Variants in UBE2L3 observed in about 807,000 individuals in gnomAD.
UBE2L3 encodes the protein ubiquitin conjugating enzyme E2 L3.
UBE2L3 carries 1 observed loss-of-function variant against 17.8 expected under a neutral mutation model. That is an observed-to-expected ratio of 0.06 (90% CI 0.02 to 0.27). UBE2L3 has a LOEUF of 0.27. Ranked by LOEUF, UBE2L3 falls within the 10% of genes least tolerant of loss-of-function variation. The pLI, the probability that UBE2L3 is intolerant of heterozygous loss-of-function variation, is 1.00. For synonymous variants in UBE2L3, 44 were observed against 68.5 expected (o/e 0.64, Z 1.76); for missense variants, 40 against 192.6 (o/e 0.21, Z 4.69).
At chr22:21,567,695 G>C, upstream of UBE2L3, 1 of 1,560,666 alleles carries the variant, frequency 6.4e-7, no homozygotes, top group Non-Finnish European at 8.7e-7. Flanking sequence ...GGCTCCAGCC[G>C]CCCGGCCGGC....
chr22:21,565,828 GTTC>G (rs1417986829), upstream of UBE2L3, among the ~76,000 whole-genome samples: 3 of 144,310 alleles, frequency 2.1e-5, no homozygotes, highest in Admixed American at 7.1e-5. Flanking sequence ...CTGAAGCTAT[GTTC>G]TTCTCTCTGC....
intron 1 of UBE2L3, among the ~76,000 whole-genome samples, chr22:21,578,617 A>G (rs1357808388): frequency 6.6e-6 from 1 of 152,076 alleles, no homozygotes; most frequent in Non-Finnish European, 1.5e-5. Context: ...GTACAGATGG[A>G]CACGGAAACA....
chr22:21,615,720 G>T (rs905339979), intron 3 of UBE2L3, among the ~76,000 whole-genome samples: 2 of 151,992 alleles, frequency 1.3e-5, no homozygotes, highest in African/African-American at 4.8e-5. Context: ...CAATACTCTC[G>T]GCACTCGTCT....
At chr22:21,575,769 G>A (rs1377028374) in intron 1 of UBE2L3, among the ~76,000 whole-genome samples, 10 of 142,660 alleles carry the variant, frequency 7.0e-5, no homozygotes, top group African/African-American at 2.4e-4. Context: ...TCAGCCTCCC[G>A]AGTAGCTGGA....
chr22:21,559,234 G>C (rs1228642931), intron 1 of UBE2L3, among the ~76,000 whole-genome samples: 2 of 152,194 alleles, frequency 1.3e-5, no homozygotes, highest in African/African-American at 2.4e-5. Flanking sequence ...TGTAATCCCA[G>C]CTACTCGGGA....
At position 21,606,315 on chromosome 22, in the gene UBE2L3, A is replaced by ATGTGTG. The variant is rs145064151; in HGVS notation, c.124-4531_124-4526dup. On this transcript the variant is annotated intron_variant, in intron 2 of 3. Transcript: ENST00000342192. ...GTGTGCGCGCGCGCGTGTGTGTGGT[A>ATGTGTG]TGTGTGTGTGTGTGTGGTGTGTGTG... Among the ~76,000 whole-genome samples, 8 of 150,448 alleles carry ATGTGTG rather than the reference A, an allele frequency of 5.3e-5. No homozygotes were observed. In the East Asian group the frequency reaches 8.0e-4, roughly 15 times the overall value.
At chr22:21,573,640 G>C (rs1373839423) in intron 1 of UBE2L3, among the ~76,000 whole-genome samples, 1 of 152,164 alleles carries the variant, frequency 6.6e-6, no homozygotes, top group African/African-American at 2.4e-5. Flanking sequence ...TTCAGCAGTT[G>C]AAGAAGACGG....
At chr22:21,603,115 A>G (rs1257470517) in intron 2 of UBE2L3, among the ~76,000 whole-genome samples, 1 of 152,214 alleles carries the variant, frequency 6.6e-6, no homozygotes, top group Admixed American at 6.5e-5. Flanking sequence ...CCAGGTTGAA[A>G]TGATCAACTC....
intron 3 of UBE2L3, among the ~76,000 whole-genome samples, chr22:21,611,287 G>A (rs965070669): frequency 6.6e-6 from 1 of 152,206 alleles, no homozygotes; most frequent in Non-Finnish European, 1.5e-5. Context: ...GAACACACAT[G>A]GACAGACAAG....
intron 1 of UBE2L3, among the ~76,000 whole-genome samples, chr22:21,586,110 A>G (rs150165916): frequency 2.0e-5 from 3 of 151,536 alleles, no homozygotes; most frequent in African/African-American, 7.3e-5. Context: ...TAATTTTTTA[A>G]TTTTTTTATT....
At position 21,582,714 on chromosome 22, in the gene UBE2L3, C is replaced by T. The variant is rs1208027616; in HGVS notation, c.28-10147C>T. ...TTAATTTTTGTATTTTTAGTAGAGA[C>T]GAGGTTTCACCATGTTGGCCAGGCT... On this transcript the variant is annotated intron_variant, in intron 1 of 3. Coordinates refer to ENST00000342192, the MANE Select transcript of UBE2L3 (RefSeq NM_003347.4). Among the ~76,000 whole-genome samples, 7 of 152,044 alleles carry T rather than the reference C, an allele frequency of 4.6e-5. No individual in the cohort carries two copies. In the South Asian group the frequency reaches 1.0e-3, roughly 23 times the overall value.
rs184480179 is a variant in UBE2L3 at position 21,605,662 on chromosome 22, C to T, written c.124-5195C>T. Among the ~76,000 whole-genome samples, 227 of 152,254 alleles carry T rather than the reference C, an allele frequency of 1.5e-3. 7 individuals carry two copies. Among genetic ancestry groups the T allele is most frequent in the South Asian group, 7.5e-3 (36 of 4,826 alleles). ...CTGGGATTACAGGCATGTGCCACCA[C>T]GCCTGGCTAATTTTTGTATTTTTAG... is the stretch of plus-strand genomic sequence containing the variant. On this transcript the variant is annotated intron_variant, in intron 2 of 3. Transcript: ENST00000342192.
At chr22:21,562,063 C>G (rs1926451272) in intron 1 of UBE2L3, among the ~76,000 whole-genome samples, 2 of 152,072 alleles carry the variant, frequency 1.3e-5, no homozygotes, top group East Asian at 1.9e-4. Flanking sequence ...CCTCCCCCAG[C>G]TTCTGCGAGG....
chr22:21,618,056 C>G (rs1929863324), intron 3 of UBE2L3, among the ~76,000 whole-genome samples: 1 of 151,912 alleles, frequency 6.6e-6, no homozygotes, highest in African/African-American at 2.4e-5. Flanking sequence ...TGGCGGATGC[C>G]TGTAGTCCCA....
chr22:21,617,586 C>T (rs1929841614), intron 3 of UBE2L3, among the ~76,000 whole-genome samples: 1 of 151,968 alleles, frequency 6.6e-6, no homozygotes, highest in South Asian at 2.1e-4. Flanking sequence ...TTTTTAAGCC[C>T]CTACATTTTG....
At chr22:21,581,950 G>GA (rs900774032) in intron 1 of UBE2L3, among the ~76,000 whole-genome samples, 1,980 of 139,404 alleles carry the variant, frequency 0.014, 37 homozygotes, top group African/African-American at 0.044. Context: ...CATGTCTACT[G>GA]AAAAAAAAAA....
chr22:21,620,848 C>G (rs1930009085), intron 3 of UBE2L3, among the ~76,000 whole-genome samples: 1 of 152,160 alleles, frequency 6.6e-6, no homozygotes, highest in African/African-American at 2.4e-5. Flanking sequence ...ACTCAGTCAC[C>G]TTAACCGAAA....
chr22:21,582,300 A>C (rs899632095), intron 1 of UBE2L3, among the ~76,000 whole-genome samples: 1 of 151,104 alleles, frequency 6.6e-6, no homozygotes, highest in African/African-American at 2.4e-5. Context: ...TCAAGGCTCC[A>C]GTTTTTTCCT....
chr22:21,590,160 A>T (rs938247000), intron 1 of UBE2L3, among the ~76,000 whole-genome samples: 6 of 151,974 alleles, frequency 3.9e-5, no homozygotes, highest in African/African-American at 1.5e-4. Flanking sequence ...AATTCTTGTG[A>T]AATTTACCTT....
Sources: allele counts gnomAD v4.1 joint callset (sites outside exome capture counted in the v4.1 genomes callset), GRCh38; gene constraint gnomAD v4.1.1; transcripts MANE v1.5; gene names NCBI Gene and HGNC (gene_info 2026-07-23, HGNC 2026-07-21).